TENM3: variants seen among roughly 807,000 people sequenced by gnomAD.
TENM3 encodes the protein teneurin-3.
In TENM3, 63 loss-of-function variants were observed where a neutral mutation model predicts 255.1. The observed-to-expected ratio is 0.25, with a 90% CI of 0.20 to 0.30. The LOEUF (loss-of-function observed/expected upper bound fraction) is 0.30. Ranked by LOEUF, TENM3 falls within the 10% of genes least tolerant of loss-of-function variation. The pLI is 1.00. For synonymous variants in TENM3, 1,306 were observed against 1,322.3 expected (o/e 0.99, Z 0.27); for missense variants, 2,929 against 3,461.1 (o/e 0.85, Z 3.86).
the TENM3 span, among the ~76,000 whole-genome samples, chr4:181,970,202 T>C: frequency 1.3e-5 from 2 of 152,350 alleles, no homozygotes; most frequent in African/African-American, 4.8e-5. Flanking sequence ...AGTAGTCATT[T>C]AAATAATAAT....
the TENM3 span, among the ~76,000 whole-genome samples, chr4:181,466,118 T>TC: frequency 3.5e-3 from 446 of 128,740 alleles, 13 homozygotes; most frequent in African/African-American, 0.01. Context: ...GAATTTTTTT[T>TC]TTTGTTTTGT....
the TENM3 span, among the ~76,000 whole-genome samples, chr4:181,692,465 T>C: frequency 1.3e-5 from 2 of 152,180 alleles, no homozygotes; most frequent in Non-Finnish European, 2.9e-5. Context: ...ACAAGATGCA[T>C]GTAACTGAGC....
chr4:181,806,141 T>A, the TENM3 span, among the ~76,000 whole-genome samples: 1 of 152,220 alleles, frequency 6.6e-6, no homozygotes, highest in Non-Finnish European at 1.5e-5. Flanking sequence ...AAATACGTGG[T>A]CCGTAGTACT....
chr4:182,138,597 C>T, the TENM3 span, among the ~76,000 whole-genome samples: 1 of 152,046 alleles, frequency 6.6e-6, no homozygotes, highest in Non-Finnish European at 1.5e-5. Context: ...GAAAAGCAGT[C>T]ATCTTAGGCT....
At chr4:181,702,305 C>T in the TENM3 span, among the ~76,000 whole-genome samples, 4 of 152,084 alleles carry the variant, frequency 2.6e-5, no homozygotes, top group African/African-American at 4.8e-5. Flanking sequence ...TTTGCTATTA[C>T]GATACATAAA....
At chr4:182,534,968 T>A (rs1740153054) in intron 3 of TENM3, among the ~76,000 whole-genome samples, 4 of 152,244 alleles carry the variant, frequency 2.6e-5, no homozygotes. Context: ...AAGCTGAAAC[T>A]TGGTGGATGG....
chr4:181,582,683 A>G, the TENM3 span, among the ~76,000 whole-genome samples: 13 of 146,798 alleles, frequency 8.9e-5, no homozygotes, highest in South Asian at 1.1e-3. Context: ...AAAAAAAAAA[A>G]AAAGAAAGAA....
the TENM3 span, among the ~76,000 whole-genome samples, chr4:181,712,100 T>C: frequency 6.6e-6 from 1 of 152,034 alleles, no homozygotes. Context: ...TTCTCACTCC[T>C]CCCCAACCCC....
intron 3 of TENM3, among the ~76,000 whole-genome samples, chr4:182,550,058 G>T (rs938285095): frequency 2.0e-5 from 3 of 152,200 alleles, no homozygotes; most frequent in Middle Eastern, 3.4e-3. Flanking sequence ...TAAAAATTCC[G>T]CTCAAAACCA....
intron 3 of TENM3, among the ~76,000 whole-genome samples, chr4:182,579,101 T>C (rs1322609154): frequency 6.6e-6 from 1 of 152,230 alleles, no homozygotes. Flanking sequence ...TGCCTTCTTC[T>C]GTATCTCCAC....
the TENM3 span, among the ~76,000 whole-genome samples, chr4:181,879,095 A>T: frequency 6.6e-6 from 1 of 152,160 alleles, no homozygotes; most frequent in East Asian, 1.9e-4. Flanking sequence ...ATCCCAGTAA[A>T]TATCTCTCTG....
chr4:182,313,498 A>AAT (rs373014459), intron 1 of TENM3, among the ~76,000 whole-genome samples: 82 of 151,730 alleles, frequency 5.4e-4, no homozygotes, highest in South Asian at 3.7e-3. Flanking sequence ...ATCCATTTTA[A>AAT]ATATATATAT....
the TENM3 span, among the ~76,000 whole-genome samples, chr4:181,520,179 G>A: frequency 6.6e-6 from 1 of 152,122 alleles, no homozygotes; most frequent in Non-Finnish European, 1.5e-5. Context: ...AGCCATAAAG[G>A]CCTTAAATTT....
chr4:182,745,158 C>G (rs1761916688), intron 19 of TENM3, among the ~76,000 whole-genome samples: 1 of 152,150 alleles, frequency 6.6e-6, no homozygotes, highest in Non-Finnish European at 1.5e-5. Flanking sequence ...AAAAACCAAA[C>G]TAGCAAACAA....
At chr4:181,577,129 AATAAT>A in the TENM3 span, among the ~76,000 whole-genome samples, 7 of 134,362 alleles carry the variant, frequency 5.2e-5, no homozygotes, top group South Asian at 2.1e-4. Context: ...AATTATGTGT[AATAAT>A]ATAATATATA....
chr4:181,946,482 T>G, the TENM3 span, among the ~76,000 whole-genome samples: 22 of 152,216 alleles, frequency 1.4e-4, no homozygotes, highest in Non-Finnish European at 3.1e-4. Context: ...AGTGGCTCCC[T>G]ACACCTCTGA....
At chr4:182,328,596 CAAAGAAGGGAAG>C (rs1451501588) in intron 2 of TENM3, among the ~76,000 whole-genome samples, 1 of 152,060 alleles carries the variant, frequency 6.6e-6, no homozygotes, top group Non-Finnish European at 1.5e-5. Flanking sequence ...AGTAAATTTG[CAAAGAAGGGAAG>C]GAAGAAGGAA....
intron 1 of TENM3, among the ~76,000 whole-genome samples, chr4:182,238,135 G>C (rs1757005007): frequency 6.6e-6 from 1 of 152,060 alleles, no homozygotes; most frequent in South Asian, 2.1e-4. Context: ...ACAGTCTCAG[G>C]GTCTCATAAA....
chr4:181,695,801 G>A, the TENM3 span, among the ~76,000 whole-genome samples: 14 of 152,210 alleles, frequency 9.2e-5, no homozygotes, highest in South Asian at 2.3e-3. Flanking sequence ...TTTTGAAACC[G>A]CTGATCTACC....
Sources: gnomAD v4.1 joint callset for allele counts (sites outside exome capture counted in the v4.1 genomes callset) on GRCh38, gnomAD v4.1.1 for gene constraint, MANE v1.5 for transcripts, NCBI Gene and HGNC (gene_info 2026-07-23, HGNC 2026-07-21) for gene names.